LARP1: variants seen among roughly 807,000 people sequenced by gnomAD.
LARP1 encodes the protein La ribonucleoprotein 1, translational regulator.
A neutral mutation model predicts 122.7 loss-of-function variants in LARP1; 36 were observed. The ratio of observed to expected loss-of-function variants is 0.29; its 90% CI spans 0.22 to 0.39. LARP1 has a LOEUF of 0.39. LARP1 is among the 10% of genes least tolerant of loss of function. The pLI, the probability that LARP1 is intolerant of heterozygous loss-of-function variation, is 1.00. For synonymous variants in LARP1, 539 were observed against 528.7 expected (o/e 1.02, Z -0.27); for missense variants, 1,040 against 1,403.6 (o/e 0.74, Z 4.14).
chr5:154,817,275 T>A lies in LARP1; in HGVS notation c.*3179T>A, dbSNP rs1381895034. On this transcript the variant is annotated 3_prime_UTR_variant, in exon 19 of 19. Transcript: ENST00000518297. ...CACCCACCCTCTCCCCCTTCAGCCA[T>A]GCTGATGGCAGAGAAGATAAGAACT... 2 of 152,536 alleles carry A rather than the reference T, an allele frequency of 1.3e-5. No homozygotes were observed. The highest frequency in any genetic ancestry group is 2.9e-5 in the Non-Finnish European group (2 of 68,042). 9.4% of individuals were successfully genotyped at this position (152,536 alleles called of 1,614,324 possible).
intron 1 of LARP1, among the ~76,000 whole-genome samples, chr5:154,690,802 C>A (rs888372136): frequency 6.6e-6 from 1 of 152,184 alleles, no homozygotes; most frequent in Non-Finnish European, 1.5e-5. Flanking sequence ...CGGGACAGGG[C>A]GCCTGGAGCC....
At chr5:154,791,176 C>T (rs1339648884) in intron 3 of LARP1, among the ~76,000 whole-genome samples, 2 of 148,992 alleles carry the variant, frequency 1.3e-5, no homozygotes, top group Admixed American at 6.7e-5. Context: ...GCTCAGTCAC[C>T]CAGGCTGGAG....
At chr5:154,781,063 C>T (rs960995917) in intron 1 of LARP1, among the ~76,000 whole-genome samples, 34 of 152,004 alleles carry the variant, frequency 2.2e-4, no homozygotes, top group East Asian at 3.9e-4. Flanking sequence ...AGTGAGACTC[C>T]GTCTCAAAAA....
intron 1 of LARP1, among the ~76,000 whole-genome samples, chr5:154,764,490 A>G (rs1487066788): frequency 1.4e-5 from 2 of 143,556 alleles, no homozygotes. Flanking sequence ...GGTCTGAGCT[A>G]CTCTGGAGGC....
In LARP1 at chr5:154,811,302, C is replaced by T. The variant is rs868765355; in HGVS notation, c.2899C>T (p.Arg967Trp). The change falls in exon 17 of 19, where the codon CGG becomes TGG. Residue 967 changes from arginine (R) to tryptophan (W), a missense_variant. Arg to Trp is a moderately radical substitution (Grantham distance 101). Around this residue, in one of 8 missense-constraint regions of LARP1, gnomAD observed 59 missense variants for 137.2 expected, o/e 0.43. Transcript: ENST00000518297. Reference sequence around the variant, plus strand: ...CAGTTATGGCCTGGAAAAGAAGTTCCGGCTGGACATATTCAAGGATTTTCA... The same window carrying T: ...CAGTTATGGCCTGGAAAAGAAGTTCTGGCTGGACATATTCAAGGATTTTCA... The part of the protein sequence containing the change: ...YYSYGLEKKF[R>W]LDIFKDFQEE... The T allele has an allele frequency of 6.2e-7, 1 of 1,614,130 alleles. No individual in the cohort carries two copies. The highest frequency in any genetic ancestry group is 8.5e-7 in the Non-Finnish European group (1 of 1,180,018).
rs182263791 is a variant in LARP1 at position 154,701,758 on chromosome 5, A to G, written c.-180+18721A>G. On this transcript the variant is annotated intron_variant, in intron 1 of 18. Transcript: ENST00000687700. ...TGCCTCAGCCTCCTGAGTAGCTGGG[A>G]TTATAGGCGCCTGCCACCATGACCA... 1.1e-3 allele frequency among the ~76,000 whole-genome samples: 173 copies of G among 151,288 alleles called. 1 individual carries two copies. Among genetic ancestry groups the G allele is most frequent in the Middle Eastern group, 6.8e-3 (2 of 292 alleles).
At chr5:154,717,707 G>C (rs1174009714) in intron 1 of LARP1, among the ~76,000 whole-genome samples, 5 of 152,148 alleles carry the variant, frequency 3.3e-5, no homozygotes, top group African/African-American at 1.2e-4. Context: ...TGATCAAAAA[G>C]TCTGACTTCC....
chr5:154,734,572 A>G (rs1345949436), intron 1 of LARP1, among the ~76,000 whole-genome samples: 1 of 152,212 alleles, frequency 6.6e-6, no homozygotes, highest in Non-Finnish European at 1.5e-5. Context: ...CACACTGAAC[A>G]GGCTGTTTTG....
chr5:154,734,747 CGTT>C (rs1756780690), intron 1 of LARP1, among the ~76,000 whole-genome samples: 1 of 152,094 alleles, frequency 6.6e-6, no homozygotes, highest in Non-Finnish European at 1.5e-5. Flanking sequence ...AGTATATTCA[CGTT>C]GTTGGAAACA....
chr5:154,806,183 G>A, intron 15 of LARP1, 151 bp downstream of exon 15: 1 of 824,132 alleles, frequency 1.2e-6, no homozygotes, highest in Non-Finnish European at 1.8e-6. Context: ...ACTGAAGTTA[G>A]ACTCGGGCCA....
chr5:154,755,934 C>T lies in LARP1; in HGVS notation c.177C>T (p.Pro59=). ...PDGSARRPRP[P]CAKPHKEGTG... is the part of the protein sequence containing the mutation. ...GCAGCGCTCGGAGACCCCGGCCGCCCTGCGCCAAGCCGCACAAGGAGGGCA... is the reference window on the plus strand; with the variant it reads ...GCAGCGCTCGGAGACCCCGGCCGCCTTGCGCCAAGCCGCACAAGGAGGGCA... The change falls in exon 1 of 19, where the codon CCC becomes CCT. Residue 59 remains proline, a synonymous_variant. Transcript: ENST00000518297. 1.0e-6 allele frequency: 1 copy of T among 1,000,984 alleles called. No homozygotes were observed. The highest frequency in any genetic ancestry group is 4.1e-5 in the South Asian group (1 of 24,588). 62.0% of individuals were successfully genotyped at this position (1,000,984 alleles called of 1,614,324 possible).
intron 1 of LARP1, among the ~76,000 whole-genome samples, chr5:154,735,530 C>CATTTTT (rs1458177359): frequency 7.1e-6 from 1 of 141,164 alleles, no homozygotes; most frequent in Non-Finnish European, 1.6e-5. Context: ...ATGGTAGTTC[C>CATTTTT]ATTTTTATTT....
chr5:154,797,221 GTTTTTTTTTTT>G (rs1158010359), intron 8 of LARP1, among the ~76,000 whole-genome samples: 540 of 29,832 alleles, frequency 0.018, 10 homozygotes, highest in African/African-American at 0.047. Context: ...TGTTGTTGTT[GTTTTTTTTTTT>G]TTTTTTTTTT....
chr5:154,697,202 C>CTTTTTTTTT, intron 1 of LARP1, among the ~76,000 whole-genome samples: 1 of 141,586 alleles, frequency 7.1e-6, no homozygotes, highest in Non-Finnish European at 1.5e-5. Context: ...AGCTTTTTAT[C>CTTTTTTTTT]TTTTTTTTTT....
intron 1 of LARP1, among the ~76,000 whole-genome samples, chr5:154,748,519 A>T (rs1209145246): frequency 1.3e-5 from 2 of 152,234 alleles, no homozygotes; most frequent in Non-Finnish European, 2.9e-5. Context: ...ATCTACTTTA[A>T]CTATGGAGAT....
chr5:154,719,851 G>C (rs1022692657), intron 1 of LARP1, among the ~76,000 whole-genome samples: 2 of 130,996 alleles, frequency 1.5e-5, no homozygotes, highest in African/African-American at 6.2e-5. Flanking sequence ...GACAAAGTGA[G>C]ACTCTGTCTC....
intron 3 of LARP1, chr5:154,791,888 C>T: frequency 2.3e-6 from 1 of 442,888 alleles, no homozygotes; most frequent in Non-Finnish European, 4.6e-6. Flanking sequence ...TGTTCATCAT[C>T]TCATCTAACC....
At chr5:154,795,726 A>G (rs1302114078) in intron 8 of LARP1, among the ~76,000 whole-genome samples, 1 of 149,606 alleles carries the variant, frequency 6.7e-6, no homozygotes, top group Non-Finnish European at 1.5e-5. Flanking sequence ...CCACAGTATC[A>G]TTATCATACC....
At chr5:154,779,728 G>C (rs927977820) in intron 1 of LARP1, among the ~76,000 whole-genome samples, 1 of 151,874 alleles carries the variant, frequency 6.6e-6, no homozygotes, top group Non-Finnish European at 1.5e-5. Context: ...GTCTGGTCTC[G>C]GACTCCTGAC....
Sources: allele counts gnomAD v4.1 joint callset (sites outside exome capture counted in the v4.1 genomes callset), GRCh38; gene constraint gnomAD v4.1.1; regional missense constraint gnomAD v4.1.1; transcripts MANE v1.5; gene names NCBI Gene and HGNC (gene_info 2026-07-23, HGNC 2026-07-21).